The following RIC1 variants were observed in gnomAD, a reference collection of about 807,000 sequenced individuals.
RIC1 encodes guanine nucleotide exchange factor subunit RIC1.
RIC1 carries 88 observed loss-of-function variants against 169.0 expected under a neutral mutation model. The observed-to-expected ratio is 0.52, with a 90% CI of 0.44 to 0.62. RIC1 has a LOEUF of 0.62. RIC1 is among the 20% of genes least tolerant of loss of function. RIC1 has a pLI of 0.00. For synonymous variants in RIC1, 790 were observed against 601.5 expected (o/e 1.31, Z -4.59); for missense variants, 1,877 against 1,725.5 (o/e 1.09, Z -1.56).
intron 6 of RIC1, among the ~76,000 whole-genome samples, chr9:5,723,861 A>T (rs1470352883): frequency 1.3e-5 from 2 of 152,284 alleles, no homozygotes. Flanking sequence ...CAAAGATCAG[A>T]TGGTTGTAGA....
chr9:5,641,858 T>A (rs1210027761), intron 1 of RIC1, among the ~76,000 whole-genome samples: 1 of 144,484 alleles, frequency 6.9e-6, no homozygotes, highest in Non-Finnish European at 1.5e-5. Flanking sequence ...TTCCTCAACA[T>A]AGCTATTTTG....
At chr9:5,723,062 G>A (rs899379231) in intron 6 of RIC1, among the ~76,000 whole-genome samples, 7 of 152,192 alleles carry the variant, frequency 4.6e-5, no homozygotes, top group African/African-American at 1.2e-4. Flanking sequence ...AATCCTTTGG[G>A]TATATACCCA....
Position 5,686,323 on chromosome 9 carries a change from C to T in RIC1, c.253-3636C>T, listed in dbSNP as rs1586947344. On this transcript the variant is annotated intron_variant, in intron 2 of 25. Coordinates refer to ENST00000414202, the MANE Select transcript of RIC1 (RefSeq NM_020829.4). Reference sequence around the variant, plus strand: ...AATCATGCCGCTATAAAGACACATGCACACGTATGTTTATTGTGGCACTAT... The same window carrying T: ...AATCATGCCGCTATAAAGACACATGTACACGTATGTTTATTGTGGCACTAT... Among the ~76,000 whole-genome samples the T allele has an allele frequency of 3.3e-5, 5 of 152,208 alleles. No homozygotes were observed. In the South Asian group the frequency reaches 1.0e-3, roughly 32 times the overall value.
intron 10 of RIC1, among the ~76,000 whole-genome samples, chr9:5,744,676 G>A (rs1320840623): frequency 6.6e-6 from 1 of 150,936 alleles, no homozygotes; most frequent in Non-Finnish European, 1.5e-5. Context: ...GAAGTCAGGT[G>A]TGGGATTTTT....
chr9:5,650,528 G>A (rs573417520), intron 1 of RIC1, among the ~76,000 whole-genome samples: 2 of 152,072 alleles, frequency 1.3e-5, no homozygotes, highest in South Asian at 4.2e-4. Flanking sequence ...GGTTGGTGTC[G>A]GTGTCAGTAG....
At position 5,750,972 on chromosome 9, in the gene RIC1, G is replaced by C. The variant is rs537128123; in HGVS notation, c.1453-2228G>C. On this transcript the variant is annotated intron_variant, in intron 12 of 25. Coordinates refer to ENST00000414202, the MANE Select transcript of RIC1 (RefSeq NM_020829.4). ...CTTAAGTTTTTAAAATACATCATTT[G>C]TGGCACTTCATAGATTTTTGTAGAA... Among the ~76,000 whole-genome samples the C allele has an allele frequency of 7.2e-5, 11 of 151,992 alleles. No individual in the cohort carries two copies. In the East Asian group the frequency reaches 1.7e-3, roughly 24 times the overall value.
At chr9:5,753,074 C>T (rs568091930) in intron 12 of RIC1, 126 bp from the exon 13 acceptor site, 7 of 744,524 alleles carry the variant, frequency 9.4e-6, no homozygotes, top group Non-Finnish European at 1.6e-5. Flanking sequence ...TCCAAGTGCT[C>T]TGCTACTAAC....
At chr9:5,658,689 T>C (rs1270938745) in intron 2 of RIC1, among the ~76,000 whole-genome samples, 1 of 152,126 alleles carries the variant, frequency 6.6e-6, no homozygotes, top group Non-Finnish European at 1.5e-5. Flanking sequence ...TTACAAAGTT[T>C]GTGAAAATAT....
chr9:5,765,503 CAT>C lies in RIC1; in HGVS notation c.2932_2933del (p.Met978AspfsTer5). 2 of 1,614,192 alleles carry C rather than the reference CAT, an allele frequency of 1.2e-6. No individual in the cohort carries two copies. The highest frequency in any genetic ancestry group is 8.5e-7 in the Non-Finnish European group (1 of 1,180,010). On this transcript the variant is annotated frameshift_variant, in exon 20 of 26. Coordinates refer to ENST00000414202, the MANE Select transcript of RIC1 (RefSeq NM_020829.4). LOFTEE classifies it high-confidence loss of function. ...AAGGCAAGTGGGACCTTTGTCGACA[CAT>C]GATTCGATTTCTTAAAGCCATTGGC... ...EQGKWDLCRH[M>X]IRFLKAIGSG...
chr9:5,715,375 G>C (rs1475868742), intron 4 of RIC1, among the ~76,000 whole-genome samples: 1 of 152,126 alleles, frequency 6.6e-6, no homozygotes, highest in African/African-American at 2.4e-5. Context: ...CTGCCATCTT[G>C]TCCAAGTTTA....
intron 6 of RIC1, among the ~76,000 whole-genome samples, chr9:5,729,130 G>T (rs187621121): frequency 1.3e-5 from 2 of 152,288 alleles, no homozygotes; most frequent in East Asian, 3.9e-4. Flanking sequence ...TTGAGTTACA[G>T]AAGAGTTAAG....
At chr9:5,715,643 G>T (rs1404199187) in intron 4 of RIC1, among the ~76,000 whole-genome samples, 1 of 152,162 alleles carries the variant, frequency 6.6e-6, no homozygotes, top group African/African-American at 2.4e-5. Context: ...TGGTTATGCT[G>T]TTGCTTATAG....
Position 5,738,545 on chromosome 9 carries a change from C to CTTTTTT in RIC1, c.901+23_901+28dup, listed in dbSNP as rs74310870. The CTTTTTT allele has an allele frequency of 1.5e-5, 12 of 815,726 alleles. No individual in the cohort carries two copies. In the African/African-American group the frequency reaches 2.2e-4, roughly 15 times the overall value. The allele number at this position is 815,726 out of a possible 1,614,324, so 50.5% of individuals were successfully genotyped here. On this transcript the variant is annotated splice_region_variant and intron_variant, in intron 8 of 25. Transcript: ENST00000414202. ...ACAGCAAAACAGTATCCTGGTGAGT[C>CTTTTTT]TTTTTTTTTTTTTTTTTTTTTAACA...
At chr9:5,769,304 C>G (rs1280107481) in intron 22 of RIC1, 48 bp downstream of exon 22, 2 of 1,613,864 alleles carry the variant, frequency 1.2e-6, no homozygotes, top group Non-Finnish European at 1.7e-6. Flanking sequence ...GTATTTTACT[C>G]CGTGTATTTA....
chr9:5,650,317 G>T (rs1027022443), intron 1 of RIC1, among the ~76,000 whole-genome samples: 3 of 152,036 alleles, frequency 2.0e-5, no homozygotes, highest in African/African-American at 7.2e-5. Context: ...GTAGGAGTGC[G>T]TATGTGTGAG....
At chr9:5,650,323 G>A (rs908734629) in intron 1 of RIC1, among the ~76,000 whole-genome samples, 3 of 152,066 alleles carry the variant, frequency 2.0e-5, no homozygotes, top group African/African-American at 7.2e-5. Context: ...GTGCGTATGT[G>A]TGAGTGGCAG....
At chr9:5,634,999 A>G (rs1391800041) in intron 1 of RIC1, among the ~76,000 whole-genome samples, 1 of 152,056 alleles carries the variant, frequency 6.6e-6, no homozygotes, top group African/African-American at 2.4e-5. Context: ...CATCATCACC[A>G]TTATTATTTT....
At chr9:5,648,438 G>T (rs1001317374) in intron 1 of RIC1, among the ~76,000 whole-genome samples, 3 of 152,126 alleles carry the variant, frequency 2.0e-5, no homozygotes, top group African/African-American at 4.8e-5. Context: ...TGGACACTTA[G>T]GTTGATTCCA....
At chr9:5,653,658 C>T (rs10975211) in intron 1 of RIC1, among the ~76,000 whole-genome samples, 44,646 of 151,716 alleles carry the variant, frequency 0.29, 7,748 homozygotes, top group East Asian at 0.59. Context: ...AGTGCAATGG[C>T]GCAGTCTTGG....
Sources: allele counts gnomAD v4.1 joint callset (sites outside exome capture counted in the v4.1 genomes callset), GRCh38; gene constraint gnomAD v4.1.1; transcripts MANE v1.5; gene names NCBI Gene and HGNC (gene_info 2026-07-23, HGNC 2026-07-21).